The following ELMOD2 variants were observed in gnomAD, a reference collection of about 807,000 sequenced individuals.
ELMOD2 encodes the protein ELMO domain-containing protein 2.
A neutral mutation model predicts 41.0 loss-of-function variants in ELMOD2; 28 were observed. That is an observed-to-expected ratio of 0.68 (90% CI 0.51 to 0.94). The LOEUF (loss-of-function observed/expected upper bound fraction) is 0.94, where lower values mean the gene tolerates loss of function less well. ELMOD2 is among the 40% of genes least tolerant of loss of function. ELMOD2 has a pLI of 0.00. For missense variants in ELMOD2, 333 were observed against 343.1 expected, an observed-to-expected ratio of 0.97 and a Z score of 0.23; for synonymous variants, 106 against 107.2, an observed-to-expected ratio of 0.99 and a Z score of 0.07.
At chr4:140,546,792 A>G (rs1350206818) in intron 8 of ELMOD2, among the ~76,000 whole-genome samples, 1 of 152,032 alleles carries the variant, frequency 6.6e-6, no homozygotes, top group Non-Finnish European at 1.5e-5. Context: ...CCCTGACACC[A>G]TCTCGGCTGG....
chr4:140,542,588 A>T lies in ELMOD2; in HGVS notation c.548A>T (p.Asn183Ile), dbSNP rs781649998. The change falls in exon 7 of 9, where the codon AAT becomes ATT. Residue 183 changes from asparagine to isoleucine, a missense_variant. Transcript: ENST00000323570. ...GLINLVYFSE[N>I]YTSEAHQILS... ...AAACTTTTTAGGTATTTCAGTGAAA[A>T]TTACACTAGTGAAGCTCATCAGATT... The T allele has an allele frequency of 1.7e-5, 28 of 1,605,792 alleles. No homozygotes were observed. The East Asian group carries it at 4.0e-4, about 23-fold the overall frequency.
intron 1 of ELMOD2, 198 bp downstream of exon 1, chr4:140,524,478 G>T: frequency 2.0e-6 from 1 of 512,228 alleles, no homozygotes; most frequent in Non-Finnish European, 2.5e-6. Flanking sequence ...GCCCTGGGGT[G>T]CTCAGGCGCC....
chr4:140,537,809 T>C (rs1352658552), intron 5 of ELMOD2, among the ~76,000 whole-genome samples: 2 of 151,036 alleles, frequency 1.3e-5, no homozygotes, highest in Admixed American at 6.6e-5. Context: ...TTTATTTTAA[T>C]GTTTTTATTT....
chr4:140,525,376 A>C, intron 1 of ELMOD2, 44 bp from the exon 2 acceptor site: 1 of 1,560,892 alleles, frequency 6.4e-7, no homozygotes, highest in South Asian at 1.2e-5. Context: ...TTTAAAATTC[A>C]GTTTAAGGTC....
intron 3 of ELMOD2, among the ~76,000 whole-genome samples, chr4:140,530,927 A>T (rs1355950196): frequency 6.6e-6 from 1 of 152,150 alleles, no homozygotes; most frequent in Non-Finnish European, 1.5e-5. Flanking sequence ...TTGACTGTGT[A>T]CAAGTTACTT....
chr4:140,540,297 C>A lies in ELMOD2; in HGVS notation c.529C>A (p.Leu177Ile). The A allele has an allele frequency of 6.2e-7, 1 of 1,612,862 alleles. No homozygotes were observed. The highest frequency in any genetic ancestry group is 8.5e-7 in the Non-Finnish European group (1 of 1,179,692). The change falls in exon 6 of 9, where the codon CTT (leucine) becomes ATT (isoleucine). Residue 177 changes from leucine to isoleucine, a missense_variant. Coordinates refer to ENST00000323570, the MANE Select transcript of ELMOD2 (RefSeq NM_153702.4). ...CATGGGCATACTTGGGTTAATCAATCTTGTGTAAGTGAAAGTAAACTTTCT... is the reference window on the plus strand; with the variant it reads ...CATGGGCATACTTGGGTTAATCAATATTGTGTAAGTGAAAGTAAACTTTCT... ...RGMGILGLINLVYFSENYTSE... is the reference protein window; with the variant it reads ...RGMGILGLINIVYFSENYTSE...
intron 6 of ELMOD2, among the ~76,000 whole-genome samples, chr4:140,541,064 C>T (rs563834345): frequency 6.6e-5 from 10 of 152,280 alleles, no homozygotes; most frequent in East Asian, 1.9e-4. Flanking sequence ...TTAATACTTA[C>T]GATTAGCTAC....
At chr4:140,537,802 A>C (rs1734981763) in intron 5 of ELMOD2, among the ~76,000 whole-genome samples, 1 of 150,854 alleles carries the variant, frequency 6.6e-6, no homozygotes, top group Non-Finnish European at 1.5e-5. Flanking sequence ...AATAAATTTT[A>C]TTTTAATGTT....
intron 7 of ELMOD2, among the ~76,000 whole-genome samples, chr4:140,543,073 G>A (rs1040153273): frequency 2.0e-5 from 3 of 151,920 alleles, no homozygotes; most frequent in African/African-American, 7.2e-5. Flanking sequence ...TAGTAACAAT[G>A]TTAGATCATA....
intron 8 of ELMOD2, among the ~76,000 whole-genome samples, chr4:140,548,493 G>T (rs546714490): frequency 6.6e-6 from 1 of 152,080 alleles, no homozygotes; most frequent in East Asian, 1.9e-4. Context: ...TTTCAGTGTG[G>T]GAATATGATG....
intron 6 of ELMOD2, 81 bp downstream of exon 6, chr4:140,540,382 A>T: frequency 6.6e-7 from 1 of 1,525,948 alleles, no homozygotes. Flanking sequence ...ATAAGAAGTG[A>T]TCTAGTTGAT....
At chr4:140,524,649 C>T in intron 1 of ELMOD2, 1 of 985,422 alleles carries the variant, frequency 1.0e-6, no homozygotes, top group Non-Finnish European at 1.2e-6. Context: ...CCTCCTCAGG[C>T]CCTAGTCCAG....
intron 6 of ELMOD2, among the ~76,000 whole-genome samples, chr4:140,541,537 A>G (rs1283221978): frequency 6.6e-6 from 1 of 152,174 alleles, no homozygotes; most frequent in African/African-American, 2.4e-5. Flanking sequence ...ATCTAGGGAT[A>G]AAGTAGAAAA....
At chr4:140,534,050 C>T (rs921769605) in intron 3 of ELMOD2, among the ~76,000 whole-genome samples, 1 of 152,100 alleles carries the variant, frequency 6.6e-6, no homozygotes, top group African/African-American at 2.4e-5. Context: ...TAAACACATA[C>T]TGCCCTAGTA....
intron 2 of ELMOD2, 135 bp downstream of exon 2, chr4:140,525,705 GC>G: frequency 2.3e-6 from 2 of 883,644 alleles, no homozygotes; most frequent in Non-Finnish European, 3.1e-6. Flanking sequence ...CTGAAGTCCC[GC>G]TTTGACTCCT....
intron 8 of ELMOD2, among the ~76,000 whole-genome samples, chr4:140,544,047 C>G (rs1235288658): frequency 6.6e-6 from 1 of 152,108 alleles, no homozygotes; most frequent in Non-Finnish European, 1.5e-5. Context: ...TACTGAGTAA[C>G]TGTTCCTAAA....
intron 8 of ELMOD2, 28 bp downstream of exon 8, chr4:140,543,614 A>G: frequency 1.3e-6 from 2 of 1,530,398 alleles, no homozygotes; most frequent in East Asian, 2.3e-5. Flanking sequence ...TTAAAACTAG[A>G]TCTTTCTAAG....
At chr4:140,534,790 T>C (rs1382043853) in intron 3 of ELMOD2, among the ~76,000 whole-genome samples, 2 of 152,128 alleles carry the variant, frequency 1.3e-5, no homozygotes, top group African/African-American at 4.8e-5. Context: ...AGAGAAAATA[T>C]GGTGTGGTCA....
At chr4:140,548,356 A>G (rs1735359084) in intron 8 of ELMOD2, among the ~76,000 whole-genome samples, 2 of 152,148 alleles carry the variant, frequency 1.3e-5, no homozygotes, top group Admixed American at 6.6e-5. Context: ...GAGATAGCAG[A>G]TGGTATTTCT....
Sources: allele counts gnomAD v4.1 joint callset (sites outside exome capture counted in the v4.1 genomes callset), GRCh38; gene constraint gnomAD v4.1.1; transcripts MANE v1.5; gene names NCBI Gene and HGNC (gene_info 2026-07-23, HGNC 2026-07-21).